The following ABCC5 variants were observed in gnomAD, a reference collection of about 807,000 sequenced individuals.
ABCC5 encodes the protein ATP-binding cassette sub-family C member 5.
Under a neutral mutation model 160.9 loss-of-function variants are expected in ABCC5, and 61 were observed. The ratio of observed to expected loss-of-function variants is 0.38; its 90% CI spans 0.31 to 0.47. ABCC5 has a LOEUF of 0.47. Ranked by LOEUF, ABCC5 falls within the 20% of genes least tolerant of loss-of-function variation. The pLI is 0.99. For synonymous variants in ABCC5, 666 were observed against 700.6 expected, an observed-to-expected ratio of 0.95 and a Z score of 0.78; for missense variants, 1,308 against 1,813.3, an observed-to-expected ratio of 0.72 and a Z score of 5.06.
chr3:184,002,806 G>A (rs1055235895), intron 2 of ABCC5, among the ~76,000 whole-genome samples: 8 of 152,222 alleles, frequency 5.3e-5, no homozygotes, highest in Non-Finnish European at 1.2e-4. Flanking sequence ...CAACAGCAGG[G>A]TAGCCTGCCT....
chr3:183,951,604 G>C lies in ABCC5; in HGVS notation c.2815-34C>G. 1 of 1,610,818 alleles carries C rather than the reference G, an allele frequency of 6.2e-7. No homozygotes were observed. ...CAGAGCACAGAGTGGTCAGGGCCCA[G>C]GGACGGCTCTGTTCCTACTGGTCCA... is the stretch of plus-strand genomic sequence containing the variant. On this transcript the variant is annotated intron_variant, in intron 19 of 29. Transcript: ENST00000334444. This position sits in a 1 kb window ranked among gnomAD's most constrained non-coding sequence, Gnocchi z 4.7.
chr3:183,994,596 G>A (rs1720092231), intron 2 of ABCC5, among the ~76,000 whole-genome samples: 1 of 152,104 alleles, frequency 6.6e-6, no homozygotes, highest in Admixed American at 6.6e-5. Flanking sequence ...GGCTGGTCTC[G>A]AACTCCTAAC....
At chr3:183,980,863 C>T (rs973391066) in intron 8 of ABCC5, among the ~76,000 whole-genome samples, 1 of 152,034 alleles carries the variant, frequency 6.6e-6, no homozygotes, top group Non-Finnish European at 1.5e-5. Flanking sequence ...CAGGCATGCA[C>T]CACCACACCC....
intron 2 of ABCC5, among the ~76,000 whole-genome samples, chr3:183,995,389 A>G (rs1004152173): frequency 7.2e-5 from 11 of 152,110 alleles, no homozygotes; most frequent in Admixed American, 2.0e-4. Context: ...ATTTTCTCCT[A>G]TGTGCTCTCT....
intron 26 of ABCC5, among the ~76,000 whole-genome samples, chr3:183,933,324 A>G (rs910975704): frequency 6.6e-6 from 1 of 152,150 alleles, no homozygotes; most frequent in African/African-American, 2.4e-5. Context: ...ACGAAGACTC[A>G]AGAGACATAC....
chr3:183,990,719 A>AAATATAAAGTTACACGTATTTACTAACT (rs1719687824), intron 2 of ABCC5, among the ~76,000 whole-genome samples: 1 of 152,200 alleles, frequency 6.6e-6, no homozygotes, highest in Non-Finnish European at 1.5e-5. Flanking sequence ...TCATGAGCTG[A>AAATATAAAGTTACACGTATTTACTAACT]AATATAAAGT....
intron 15 of ABCC5, among the ~76,000 whole-genome samples, chr3:183,962,532 C>CT (rs372339240): frequency 0.019 from 2,523 of 132,934 alleles, 61 homozygotes; most frequent in African/African-American, 0.056. Context: ...CAGTTTTTTT[C>CT]TTTTTTTTTT....
intron 2 of ABCC5, among the ~76,000 whole-genome samples, chr3:184,012,914 G>A (rs1158324147): frequency 6.6e-6 from 1 of 152,162 alleles, no homozygotes; most frequent in Non-Finnish European, 1.5e-5. Context: ...AGAGGGAAAG[G>A]TAGTATCAGG....
intron 24 of ABCC5, among the ~76,000 whole-genome samples, chr3:183,944,943 G>T (rs543358131): frequency 1.3e-5 from 2 of 152,308 alleles, no homozygotes; most frequent in South Asian, 4.1e-4. Context: ...GACTGAATCA[G>T]GGGGGTGGAC....
intron 26 of ABCC5, among the ~76,000 whole-genome samples, chr3:183,935,411 A>T (rs1475678744): frequency 1.4e-5 from 2 of 146,374 alleles, no homozygotes; most frequent in Non-Finnish European, 3.0e-5. Flanking sequence ...GGTACTCCTG[A>T]CCTCGTGATC....
intron 11 of ABCC5, 101 bp downstream of exon 11, chr3:183,971,462 C>T (rs535741648): frequency 3.6e-5 from 41 of 1,137,856 alleles, no homozygotes; most frequent in East Asian, 1.7e-4. Flanking sequence ...TCACTCCTAG[C>T]CACAAAGCAC....
Position 183,942,403 on chromosome 3 carries a change from T to C in ABCC5, c.3694+324A>G, listed in dbSNP as rs543904340. ...GACCTCATTTTTGTAAACCTACATA[T>C]TACTAGAGGAAGCCTAACAAGATAG... On this transcript the variant is annotated intron_variant, in intron 25 of 29. Transcript: ENST00000334444. 3.1e-5 allele frequency: 16 copies of C among 508,280 alleles called. No homozygotes were observed. The East Asian group carries it at 8.1e-4, about 26-fold the overall frequency. The allele number at this position is 508,280 out of a possible 1,614,324, so 31.5% of individuals were successfully genotyped here. A position where few individuals can be genotyped will look rare whatever the true frequency, so the allele number is the denominator to read the frequency against.
In ABCC5 at chr3:183,965,513, G is replaced by C; in HGVS notation, c.1834-12C>G. On this transcript the variant is annotated splice_polypyrimidine_tract_variant and intron_variant, in intron 12 of 29. Transcript: ENST00000334444. ...TCTAGAAGCGTCATCTAGGGAGAGAGACACCATCCAATGGCATCATAACTC... is the reference window on the plus strand; with the variant it reads ...TCTAGAAGCGTCATCTAGGGAGAGACACACCATCCAATGGCATCATAACTC... 6.2e-7 allele frequency: 1 copy of C among 1,613,552 alleles called. No individual in the cohort carries two copies.
chr3:183,950,348 G>A (rs1715229977), intron 20 of ABCC5, among the ~76,000 whole-genome samples: 1 of 151,050 alleles, frequency 6.6e-6, no homozygotes, highest in South Asian at 2.1e-4. Context: ...TTCCCTTCCT[G>A]CCCCACTGCT....
chr3:183,942,700 T>G (rs769776711), intron 25 of ABCC5, 27 bp downstream of exon 25: 1 of 1,604,340 alleles, frequency 6.2e-7, no homozygotes, highest in Admixed American at 1.7e-5. Context: ...TTCCAATGGA[T>G]TCAAAGAAGG....
At chr3:183,927,818 G>A (rs1260391162) in intron 27 of ABCC5, 12 of 985,274 alleles carry the variant, frequency 1.2e-5, no homozygotes, top group Non-Finnish European at 1.4e-5. Context: ...GTAGGCCCGT[G>A]CCTGTGAAAC....
Position 183,951,731 on chromosome 3 carries a change from G to A in ABCC5, c.2814+126C>T. ...AAAGGTGGAGGCTAACGGAATATGA[G>A]TCATCTCAGCCAGGGCCATCCTGGT... On this transcript the variant is annotated intron_variant, in intron 19 of 29. Transcript: ENST00000334444. The surrounding 1 kb of genome is among the most constrained non-coding windows in gnomAD (Gnocchi z 4.7). 1.4e-6 allele frequency: 2 copies of A among 1,472,524 alleles called. No individual in the cohort carries two copies. Among genetic ancestry groups the A allele is most frequent in the Non-Finnish European group, 9.2e-7 (1 of 1,085,916 alleles). The allele number at this position is 1,472,524 out of a possible 1,614,324, so 91.2% of individuals were successfully genotyped here.
intron 17 of ABCC5, among the ~76,000 whole-genome samples, chr3:183,955,861 T>G (rs773531275): frequency 1.0e-4 from 15 of 143,630 alleles, no homozygotes; most frequent in Admixed American, 5.7e-4. Flanking sequence ...TACATGCAGA[T>G]CCGTGTGTAT....
At chr3:183,932,206 C>T (rs1713244387) in intron 26 of ABCC5, among the ~76,000 whole-genome samples, 1 of 152,168 alleles carries the variant, frequency 6.6e-6, no homozygotes, top group Non-Finnish European at 1.5e-5. Context: ...ACTCACATAC[C>T]TTCTTCTATC....
Sources: gnomAD v4.1 joint callset for allele counts (sites outside exome capture counted in the v4.1 genomes callset) on GRCh38, gnomAD v4.1.1 for gene constraint, Gnocchi (gnomAD v3.1) non-coding constraint, MANE v1.5 for transcripts, NCBI Gene and HGNC (gene_info 2026-07-23, HGNC 2026-07-21) for gene names.